The following PLCB1 variants were observed in gnomAD, a reference collection of about 807,000 sequenced individuals.
PLCB1 encodes the protein phospholipase C beta 1.
A neutral mutation model predicts 161.8 loss-of-function variants in PLCB1; 46 were observed. That is an observed-to-expected ratio of 0.28 (90% CI 0.22 to 0.36). PLCB1 has a LOEUF of 0.36. PLCB1 is among the 10% of genes least tolerant of loss of function. The pLI, the probability that PLCB1 is intolerant of heterozygous loss-of-function variation, is 1.00. For missense variants in PLCB1, 1,016 were observed against 1,472.5 expected, an observed-to-expected ratio of 0.69 and a Z score of 5.07; for synonymous variants, 517 against 503.7, an observed-to-expected ratio of 1.03 and a Z score of -0.35.
chr20:8,530,933 C>T (rs934951315), intron 3 of PLCB1, among the ~76,000 whole-genome samples: 4 of 151,950 alleles, frequency 2.6e-5, no homozygotes, highest in African/African-American at 9.7e-5. Context: ...ACCAAATTGT[C>T]TTATTTTTAT....
chr20:8,293,778 C>T (rs549759132), intron 2 of PLCB1, among the ~76,000 whole-genome samples: 56 of 152,176 alleles, frequency 3.7e-4, no homozygotes, highest in Admixed American at 1.2e-3. Flanking sequence ...CACTTAGCTA[C>T]GGAAACATTC....
chr20:8,660,774 A>C (rs767972469), intron 9 of PLCB1, among the ~76,000 whole-genome samples: 226 of 152,290 alleles, frequency 1.5e-3, no homozygotes, highest in Non-Finnish European at 2.6e-3. Flanking sequence ...AAATATTTTT[A>C]AAGGCAACTT....
chr20:8,697,371 C>A (rs1291649173), intron 10 of PLCB1, among the ~76,000 whole-genome samples: 1 of 152,138 alleles, frequency 6.6e-6, no homozygotes, highest in Non-Finnish European at 1.5e-5. Context: ...CTGTAATTGG[C>A]ACATGGTAAA....
intron 1 of PLCB1, among the ~76,000 whole-genome samples, chr20:8,136,788 G>A (rs1312831030): frequency 6.6e-6 from 1 of 151,976 alleles, no homozygotes; most frequent in Non-Finnish European, 1.5e-5. Context: ...TTTATAATTT[G>A]GAGAAAAATC....
intron 2 of PLCB1, among the ~76,000 whole-genome samples, chr20:8,223,607 C>CA (rs949838064): frequency 6.6e-6 from 1 of 151,956 alleles, no homozygotes; most frequent in African/African-American, 2.4e-5. Context: ...TTTCCCAGGG[C>CA]AAAAAATCTT....
At chr20:8,372,803 C>A (rs1033089787) in intron 3 of PLCB1, among the ~76,000 whole-genome samples, 11 of 152,138 alleles carry the variant, frequency 7.2e-5, no homozygotes, top group Non-Finnish European at 1.0e-4. Flanking sequence ...GATAATGCAG[C>A]TATGAAATTT....
chr20:8,536,443 G>A (rs1385211416), intron 3 of PLCB1, among the ~76,000 whole-genome samples: 1 of 152,158 alleles, frequency 6.6e-6, no homozygotes, highest in African/African-American at 2.4e-5. Context: ...AAGAGAGCAT[G>A]TGTTCTAGTG....
chr20:8,462,862 C>T (rs1981642370), intron 3 of PLCB1, among the ~76,000 whole-genome samples: 1 of 127,050 alleles, frequency 7.9e-6, no homozygotes, highest in South Asian at 2.5e-4. Context: ...GCATGAGAGA[C>T]CAGGTGATCT....
chr20:8,312,933 T>C (rs1338717615), intron 2 of PLCB1, among the ~76,000 whole-genome samples: 3 of 152,190 alleles, frequency 2.0e-5, no homozygotes, highest in Non-Finnish European at 4.4e-5. Context: ...TTTGGCATTA[T>C]AGAGTCACAG....
At chr20:8,811,813 C>A (rs572195974) in intron 31 of PLCB1, among the ~76,000 whole-genome samples, 1 of 151,818 alleles carries the variant, frequency 6.6e-6, no homozygotes, top group Admixed American at 6.5e-5. Context: ...TTCACATGTG[C>A]CTTTCTGTAA....
chr20:8,442,576 G>T (rs1980607127), intron 3 of PLCB1, among the ~76,000 whole-genome samples: 1 of 152,060 alleles, frequency 6.6e-6, no homozygotes, highest in East Asian at 1.9e-4. Flanking sequence ...TTTTTGAGAA[G>T]GTCCCATTTT....
At chr20:8,716,595 G>T (rs1979326190) in intron 13 of PLCB1, among the ~76,000 whole-genome samples, 1 of 152,286 alleles carries the variant, frequency 6.6e-6, no homozygotes, top group South Asian at 2.1e-4. Flanking sequence ...CAAGAGTGCA[G>T]ATTTCCCAAC....
In PLCB1 at chr20:8,132,485, C is replaced by T; in HGVS notation, c.-167C>T. ...CCCGCGCGCTCTGCCTGCTGAGCGGCGCCGGAGGGAGGTGCGGAGGCCGGG... is the reference window on the plus strand; with the variant it reads ...CCCGCGCGCTCTGCCTGCTGAGCGGTGCCGGAGGGAGGTGCGGAGGCCGGG... On this transcript the variant is annotated 5_prime_UTR_variant, in exon 1 of 32. Coordinates refer to ENST00000338037, the MANE Select transcript of PLCB1 (RefSeq NM_015192.4). The surrounding 1 kb of genome is among the most constrained non-coding windows in gnomAD (Gnocchi z 5.2). 2.7e-6 allele frequency: 1 copy of T among 364,574 alleles called. No homozygotes were observed. 22.6% of individuals were successfully genotyped at this position (364,574 alleles called of 1,614,324 possible). A position where few individuals can be genotyped will look rare whatever the true frequency, so the allele number is the denominator to read the frequency against.
chr20:8,643,608 G>C (rs1245517347), intron 4 of PLCB1, among the ~76,000 whole-genome samples: 1 of 152,282 alleles, frequency 6.6e-6, no homozygotes, highest in South Asian at 2.1e-4. Flanking sequence ...CAAAAAAACA[G>C]GTGGCAAAGC....
At chr20:8,575,192 T>C (rs918794917) in intron 3 of PLCB1, among the ~76,000 whole-genome samples, 12 of 152,186 alleles carry the variant, frequency 7.9e-5, no homozygotes, top group Non-Finnish European at 1.8e-4. Flanking sequence ...GTGAGTTTGA[T>C]GAACATGAGT....
rs2051307600 is a variant in PLCB1 at position 8,132,893 on chromosome 20, T to C, written c.99+143T>C. 4 of 637,210 alleles carry C rather than the reference T, an allele frequency of 6.3e-6. No homozygotes were observed. Among genetic ancestry groups the C allele is most frequent in the Non-Finnish European group, 1.1e-5 (4 of 351,704 alleles). 39.5% of individuals were successfully genotyped at this position (637,210 alleles called of 1,614,324 possible). Reference sequence around the variant, plus strand: ...AGCCTCGGGCGCACAGGTTGGCATCTGCCAAAGCGGATGTCCAAGGGCAGA... The same window carrying C: ...AGCCTCGGGCGCACAGGTTGGCATCCGCCAAAGCGGATGTCCAAGGGCAGA... On this transcript the variant is annotated intron_variant, in intron 1 of 31. Transcript: ENST00000338037. This position sits in a 1 kb window ranked among gnomAD's most constrained non-coding sequence, Gnocchi z 5.2.
chr20:8,453,476 G>A (rs1303959687), intron 3 of PLCB1, among the ~76,000 whole-genome samples: 1 of 152,182 alleles, frequency 6.6e-6, no homozygotes, highest in African/African-American at 2.4e-5. Flanking sequence ...TAGAATTATT[G>A]TGAGAATTTT....
chr20:8,185,459 A>C (rs996880874), intron 2 of PLCB1, among the ~76,000 whole-genome samples: 1 of 152,038 alleles, frequency 6.6e-6, no homozygotes, highest in African/African-American at 2.4e-5. Flanking sequence ...AAAAGAAGAG[A>C]TCTCTGTATT....
intron 3 of PLCB1, among the ~76,000 whole-genome samples, chr20:8,525,992 G>A (rs1019871717): frequency 1.3e-5 from 2 of 151,984 alleles, no homozygotes; most frequent in African/African-American, 4.8e-5. Flanking sequence ...CCCTTAAAAT[G>A]AAAGAATAGT....
Sources: allele counts gnomAD v4.1 joint callset (sites outside exome capture counted in the v4.1 genomes callset), GRCh38; gene constraint gnomAD v4.1.1; non-coding constraint Gnocchi (gnomAD v3.1); transcripts MANE v1.5; gene names NCBI Gene and HGNC (gene_info 2026-07-23, HGNC 2026-07-21).